DOCK8: variants seen among roughly 807,000 people sequenced by gnomAD.
DOCK8 encodes the protein dedicator of cytokinesis protein 8.
Under a neutral mutation model 245.6 loss-of-function variants are expected in DOCK8, and 141 were observed. The ratio of observed to expected loss-of-function variants is 0.57; its 90% CI spans 0.50 to 0.66. The LOEUF (loss-of-function observed/expected upper bound fraction) is 0.66. Ranked by LOEUF, DOCK8 falls within the 30% of genes least tolerant of loss-of-function variation. DOCK8 has a pLI of 0.00. For synonymous variants in DOCK8, 1,168 were observed against 970.2 expected, an observed-to-expected ratio of 1.20 and a Z score of -3.79; for missense variants, 2,965 against 2,603.4, an observed-to-expected ratio of 1.14 and a Z score of -3.02.
chr9:292,666 A>G (rs549759906), intron 4 of DOCK8, among the ~76,000 whole-genome samples: 87 of 151,766 alleles, frequency 5.7e-4, no homozygotes, highest in African/African-American at 2.0e-3. Context: ...TTTGGTAAAG[A>G]TATTAAGCCT....
At chr9:391,048 C>T (rs1352703857) in intron 24 of DOCK8, among the ~76,000 whole-genome samples, 1 of 152,216 alleles carries the variant, frequency 6.6e-6, no homozygotes, top group African/African-American at 2.4e-5. Flanking sequence ...TCTCACGCCA[C>T]ATTCCCCCAT....
chr9:417,940 T>C lies in DOCK8; in HGVS notation c.3701-128T>C, dbSNP rs189929297. ...CCTATAGGTGATAGCAGATACATAATGCTAAACATCAGGTTTGAAATTACT... is the reference window on the plus strand; with the variant it reads ...CCTATAGGTGATAGCAGATACATAACGCTAAACATCAGGTTTGAAATTACT... On this transcript the variant is annotated intron_variant, in intron 29 of 47. Coordinates refer to ENST00000432829, the MANE Select transcript of DOCK8 (RefSeq NM_203447.4). 6.9e-6 allele frequency: 8 copies of C among 1,164,426 alleles called. No individual in the cohort carries two copies. In the African/African-American group the frequency reaches 1.2e-4, roughly 18 times the overall value. 72.1% of individuals were successfully genotyped at this position (1,164,426 alleles called of 1,614,324 possible).
upstream of DOCK8, chr9:214,552 G>A (rs2046686557): frequency 6.2e-7 from 1 of 1,613,674 alleles, no homozygotes; most frequent in Non-Finnish European, 8.5e-7. Flanking sequence ...AGCTTTGTGG[G>A]GCTCCCCCGA....
At chr9:413,050 CAT>C (rs1200571847) in intron 28 of DOCK8, among the ~76,000 whole-genome samples, 3 of 151,942 alleles carry the variant, frequency 2.0e-5, no homozygotes, top group Non-Finnish European at 4.4e-5. Context: ...GGGGTTCTGA[CAT>C]ATGATAGACA....
At chr9:389,181 A>T (rs1223967468) in intron 23 of DOCK8, among the ~76,000 whole-genome samples, 1 of 152,210 alleles carries the variant, frequency 6.6e-6, no homozygotes, top group South Asian at 2.1e-4. Context: ...GGACCAGGAC[A>T]TTATCAGGCA....
chr9:378,637 G>T (rs759028900), intron 20 of DOCK8, among the ~76,000 whole-genome samples: 3 of 152,228 alleles, frequency 2.0e-5, no homozygotes, highest in Non-Finnish European at 4.4e-5. Context: ...TGCTTTGTAT[G>T]TTCCAGCTAG....
rs766015966 is a variant in DOCK8 at position 439,208 on chromosome 9, G to T, written c.5080-37G>T. On this transcript the variant is annotated intron_variant, in intron 39 of 47. Coordinates refer to ENST00000432829, the MANE Select transcript of DOCK8 (RefSeq NM_203447.4). ...CCTGTGGTCTCTTACTAGTCTGGTC[G>T]CCCTGTTCTCCAGGCTTATACTGTG... The T allele has an allele frequency of 9.3e-6, 15 of 1,613,688 alleles. No homozygotes were observed. The East Asian group carries it at 3.1e-4, about 34-fold the overall frequency.
At chr9:228,289 T>G (rs1200896756) in intron 1 of DOCK8, among the ~76,000 whole-genome samples, 1 of 152,150 alleles carries the variant, frequency 6.6e-6, no homozygotes, top group East Asian at 1.9e-4. Context: ...GTAAAGTTAT[T>G]CAAGAGACCC....
At position 386,545 on chromosome 9, in the gene DOCK8, C is replaced by T. The variant is rs567530741; in HGVS notation, c.2874+119C>T. On this transcript the variant is annotated intron_variant, in intron 23 of 47. Coordinates refer to ENST00000432829, the MANE Select transcript of DOCK8 (RefSeq NM_203447.4). ...CCCCTGCCTGTCCCTGATGTGCTAA[C>T]ACACACACACCCCACACACACTTTT... is the stretch of plus-strand genomic sequence containing the variant. 99 of 742,632 alleles carry T rather than the reference C, an allele frequency of 1.3e-4. No individual in the cohort carries two copies. The African/African-American group carries it at 1.6e-3, about 12-fold the overall frequency. 46.0% of individuals were successfully genotyped at this position (742,632 alleles called of 1,614,324 possible). A position where few individuals can be genotyped will look rare whatever the true frequency, so the allele number is the denominator to read the frequency against.
intron 14 of DOCK8, among the ~76,000 whole-genome samples, chr9:361,762 A>G (rs1014027220): frequency 1.3e-5 from 2 of 152,220 alleles, no homozygotes; most frequent in Admixed American, 6.5e-5. Flanking sequence ...CAGGCCGTAT[A>G]TTGAAGTAAC....
chr9:280,074 T>A (rs57737792), intron 2 of DOCK8, among the ~76,000 whole-genome samples: 2 of 152,190 alleles, frequency 1.3e-5, no homozygotes, highest in East Asian at 3.8e-4. Context: ...TGAGAACAAA[T>A]TGAATCTTAC....
chr9:419,639 A>C (rs189137103), intron 30 of DOCK8, among the ~76,000 whole-genome samples: 1 of 152,318 alleles, frequency 6.6e-6, no homozygotes, highest in African/African-American at 2.4e-5. Flanking sequence ...TCCTCATTGC[A>C]ATTTCACCAG....
chr9:447,290 C>G (rs1316936429), intron 44 of DOCK8, among the ~76,000 whole-genome samples: 1 of 152,214 alleles, frequency 6.6e-6, no homozygotes, highest in Non-Finnish European at 1.5e-5. Flanking sequence ...TTCTTTAAAA[C>G]ACATATATAT....
intron 30 of DOCK8, among the ~76,000 whole-genome samples, chr9:419,015 G>A (rs1444320107): frequency 6.6e-6 from 1 of 152,156 alleles, no homozygotes; most frequent in Non-Finnish European, 1.5e-5. Flanking sequence ...GGACTCTGTG[G>A]GCTCAAAGAG....
chr9:268,297 G>C (rs954611251), intron 1 of DOCK8: 1 of 152,198 alleles, frequency 6.6e-6, no homozygotes, highest in Admixed American at 6.5e-5. Context: ...AAATAGGAGT[G>C]CTATTAGGTA....
Position 439,192 on chromosome 9 carries a change from T to C in DOCK8, c.5080-53T>C, listed in dbSNP as rs982494305. The stretch of plus-strand genomic sequence containing the variant: ...TTCCCCATTCGGGGTTCCTGTGGTC[T>C]CTTACTAGTCTGGTCGCCCTGTTCT... On this transcript the variant is annotated intron_variant, in intron 39 of 47. Coordinates refer to ENST00000432829, the MANE Select transcript of DOCK8 (RefSeq NM_203447.4). 2.5e-6 allele frequency: 4 copies of C among 1,613,316 alleles called. No homozygotes were observed. In the African/African-American group the frequency reaches 4.0e-5, roughly 16 times the overall value.
intron 1 of DOCK8, among the ~76,000 whole-genome samples, chr9:264,841 C>G (rs80116407): frequency 0.041 from 6,172 of 152,256 alleles, 382 homozygotes; most frequent in African/African-American, 0.14. Context: ...CAGAGCTTAT[C>G]CATGCCATGC....
chr9:315,249 C>T (rs1236397847), intron 6 of DOCK8, among the ~76,000 whole-genome samples: 6 of 152,022 alleles, frequency 3.9e-5, no homozygotes, highest in Non-Finnish European at 7.4e-5. Flanking sequence ...TCTTTCATTC[C>T]GTTCATTTAT....
At chr9:392,502 A>G (rs2054245743) in intron 24 of DOCK8, among the ~76,000 whole-genome samples, 1 of 152,206 alleles carries the variant, frequency 6.6e-6, no homozygotes, top group Admixed American at 6.5e-5. Flanking sequence ...TTCTCAAAGC[A>G]CTAAAATTAG....
Sources: allele counts gnomAD v4.1 joint callset (sites outside exome capture counted in the v4.1 genomes callset), GRCh38; gene constraint gnomAD v4.1.1; transcripts MANE v1.5; gene names NCBI Gene and HGNC (gene_info 2026-07-23, HGNC 2026-07-21).